PCMT1: variants seen among roughly 807,000 people sequenced by gnomAD.
PCMT1 encodes the protein protein-L-isoaspartate(D-aspartate) O-methyltransferase.
In PCMT1, 9 loss-of-function variants were observed where a neutral mutation model predicts 29.2. That is an observed-to-expected ratio of 0.31 (90% confidence interval 0.19 to 0.54). PCMT1 has a LOEUF of 0.54. PCMT1 is among the 20% of genes least tolerant of loss of function. The probability of loss-of-function intolerance (pLI) is 0.95; values close to 1 mark genes in which losing one functional copy is unlikely to be tolerated. For missense variants in PCMT1, 184 were observed against 282.2 expected (o/e 0.65, Z 2.49); for synonymous variants, 98 against 97.5 (o/e 1.00, Z -0.03).
rs141971005 is a variant in PCMT1, at chr6:149,808,613, C to T, written c.*38-2003C>T. ...TTACAGTATACTTAATGTCTTGCAG[C>T]AGGTAAATTGTAGTAAATTATTATT... On this transcript the variant is annotated intron_variant, in intron 7 of 7. Coordinates refer to ENST00000464889, the MANE Select transcript of PCMT1 (RefSeq NM_001360452.2). Among the ~76,000 whole-genome samples, 142 of 152,066 alleles carry T rather than the reference C, an allele frequency of 9.3e-4. 1 individual carries two copies. The highest frequency in any genetic ancestry group is 3.3e-3 in the African/African-American group (136 of 41,438).
intron 1 of PCMT1, chr6:149,765,585 A>G: frequency 4.0e-6 from 1 of 250,458 alleles, no homozygotes; most frequent in Admixed American, 5.2e-5. Context: ...CTAATTTTAA[A>G]AAATATTCAT....
chr6:149,760,023 G>A (rs567574667), intron 1 of PCMT1, among the ~76,000 whole-genome samples: 2 of 152,152 alleles, frequency 1.3e-5, no homozygotes, highest in East Asian at 3.9e-4. Flanking sequence ...TGAAACTTAC[G>A]AGTAACATAC....
chr6:149,804,297 A>G (rs1775943291), intron 7 of PCMT1, among the ~76,000 whole-genome samples: 2 of 151,998 alleles, frequency 1.3e-5, no homozygotes, highest in Admixed American at 1.3e-4. Context: ...GTTGATTTTC[A>G]TTAGCAACTT....
intron 1 of PCMT1, among the ~76,000 whole-genome samples, chr6:149,770,870 G>T (rs1307045235): frequency 6.6e-6 from 1 of 151,354 alleles, no homozygotes; most frequent in Non-Finnish European, 1.5e-5. Context: ...GTGGTGGCGG[G>T]CACCTGTAGT....
At chr6:149,805,290 A>T (rs908380256) in intron 7 of PCMT1, among the ~76,000 whole-genome samples, 1 of 152,208 alleles carries the variant, frequency 6.6e-6, no homozygotes, top group Non-Finnish European at 1.5e-5. Flanking sequence ...TCTGCTAAAC[A>T]TTAAATGTAT....
intron 6 of PCMT1, chr6:149,797,517 TA>T (rs5880850): frequency 2.0e-5 from 3 of 150,354 alleles, no homozygotes; most frequent in Non-Finnish European, 4.4e-5. Context: ...AGACCCTGTT[TA>T]AAAAAAAAAT....
chr6:149,770,814 T>C (rs1583020312), intron 1 of PCMT1, among the ~76,000 whole-genome samples: 1 of 149,010 alleles, frequency 6.7e-6, no homozygotes, highest in South Asian at 2.1e-4. Context: ...CCATCCTGGC[T>C]AACATGGTGA....
Position 149,749,880 on chromosome 6 carries a change from C to T in PCMT1, c.-22C>T, listed in dbSNP as rs529004908. ...TCGTCGCGCTGAAGGTGGTTCTGTA[C>T]CTGCTCCGAGTGTGCTTAGCGATGG... On this transcript the variant is annotated 5_prime_UTR_variant, in exon 1 of 8. Coordinates refer to ENST00000464889, the MANE Select transcript of PCMT1 (RefSeq NM_001360452.2). 7.5e-6 allele frequency: 12 copies of T among 1,605,488 alleles called. No homozygotes were observed. The African/African-American group carries it at 1.2e-4, about 16-fold the overall frequency.
chr6:149,809,377 T>A (rs974659012), intron 7 of PCMT1, among the ~76,000 whole-genome samples: 1 of 152,098 alleles, frequency 6.6e-6, no homozygotes, highest in African/African-American at 2.4e-5. Context: ...AATTCTTTGT[T>A]GACCAAATAT....
chr6:149,753,456 C>T (rs1057189240), intron 1 of PCMT1, among the ~76,000 whole-genome samples: 1 of 152,060 alleles, frequency 6.6e-6, no homozygotes, highest in African/African-American at 2.4e-5. Context: ...CCTCAGCCTC[C>T]CGAGTAGCTG....
chr6:149,789,975 C>G lies in PCMT1; in HGVS notation c.214C>G (p.Leu72Val). 1 of 1,608,348 alleles carries G rather than the reference C, an allele frequency of 6.2e-7. No homozygotes were observed. The highest frequency in any genetic ancestry group is 8.5e-7 in the Non-Finnish European group (1 of 1,178,294). The change falls in exon 4 of 8, where the codon CTA (leucine) becomes GTA (valine). Residue 72 changes from leucine to valine, a missense_variant. Transcript: ENST00000464889. ...GCAGCATGCATATGCGCTAGAACTT[C>G]TATTTGATCAGTTGCATGAAGGAGC... The part of the protein sequence containing the change: ...PHMHAYALEL[L>V]FDQLHEGAKA...
At chr6:149,754,140 C>T (rs374816674) in intron 1 of PCMT1, among the ~76,000 whole-genome samples, 7 of 152,120 alleles carry the variant, frequency 4.6e-5, no homozygotes, top group African/African-American at 1.7e-4. Flanking sequence ...TCTATATTGT[C>T]CAGTGTGGTA....
At chr6:149,752,368 T>G (rs1374071547) in intron 1 of PCMT1, among the ~76,000 whole-genome samples, 1 of 152,066 alleles carries the variant, frequency 6.6e-6, no homozygotes, top group Non-Finnish European at 1.5e-5. Context: ...TGGCTAATTT[T>G]TAGTATTTTT....
At chr6:149,760,333 G>A (rs1786683846) in intron 1 of PCMT1, among the ~76,000 whole-genome samples, 1 of 152,092 alleles carries the variant, frequency 6.6e-6, no homozygotes, top group South Asian at 2.1e-4. Context: ...TATAAAAAAA[G>A]ACCAAACCAC....
intron 1 of PCMT1, among the ~76,000 whole-genome samples, chr6:149,751,928 A>C (rs1332947831): frequency 6.6e-6 from 1 of 151,102 alleles, no homozygotes; most frequent in Non-Finnish European, 1.5e-5. Flanking sequence ...GTTGGAGTGC[A>C]GTGGTGTGAG....
At chr6:149,798,164 GTCTC>G (rs1562422888) in intron 6 of PCMT1, 1 of 142,786 alleles carries the variant, frequency 7.0e-6, no homozygotes. Context: ...GTGAGACCCT[GTCTC>G]AAAAAAAAAA....
At chr6:149,776,601 A>C (rs548059829) in intron 3 of PCMT1, among the ~76,000 whole-genome samples, 2 of 151,824 alleles carry the variant, frequency 1.3e-5, no homozygotes, top group South Asian at 2.1e-4. Flanking sequence ...TTGTAGAGAC[A>C]GGGCCTCACT....
At chr6:149,788,131 A>G (rs1407227231) in intron 3 of PCMT1, among the ~76,000 whole-genome samples, 1 of 151,746 alleles carries the variant, frequency 6.6e-6, no homozygotes, top group South Asian at 2.1e-4. Context: ...GTTAGCCAGG[A>G]TGGTCTCGAT....
At chr6:149,809,216 A>T (rs1203087984) in intron 7 of PCMT1, among the ~76,000 whole-genome samples, 1 of 133,344 alleles carries the variant, frequency 7.5e-6, no homozygotes, top group South Asian at 2.5e-4. Context: ...CCATGATCAC[A>T]CCACTGCACT....
Sources: allele counts gnomAD v4.1 joint callset (sites outside exome capture counted in the v4.1 genomes callset), GRCh38; gene constraint gnomAD v4.1.1; transcripts MANE v1.5; gene names NCBI Gene and HGNC (gene_info 2026-07-23, HGNC 2026-07-21).